Variants in TRIO observed in about 807,000 individuals in gnomAD.
TRIO encodes the protein trio Rho guanine nucleotide exchange factor, also known as triple functional domain protein.
Under a neutral mutation model 351.9 loss-of-function variants are expected in TRIO, and 58 were observed. The ratio of observed to expected loss-of-function variants is 0.16; its 90% CI spans 0.13 to 0.21. The LOEUF (loss-of-function observed/expected upper bound fraction) is 0.21. Among genes scored for constraint, TRIO ranks in the 10% least tolerant of loss-of-function variants. TRIO has a pLI of 1.00. For synonymous variants in TRIO, 1,758 were observed against 1,595.7 expected (o/e 1.10, Z -2.42); for missense variants, 3,201 against 4,027.8 (o/e 0.79, Z 5.56).
chr5:14,223,526 C>T (rs1792782817), intron 1 of TRIO, among the ~76,000 whole-genome samples: 1 of 152,132 alleles, frequency 6.6e-6, no homozygotes, highest in African/African-American at 2.4e-5. Context: ...GAGCAACTAG[C>T]CTAGGTGACC....
chr5:14,234,283 A>AGCTGGGCAGTGGATAGGGGT lies in TRIO; in HGVS notation c.158-36539_158-36520dup, dbSNP rs1364074577. 9.2e-5 allele frequency among the ~76,000 whole-genome samples: 14 copies of AGCTGGGCAGTGGATAGGGGT among 152,314 alleles called. No individual in the cohort carries two copies. In the East Asian group the frequency reaches 2.7e-3, roughly 29 times the overall value. Reference sequence around the variant, plus strand: ...ACAGTTCAGTGGTGATAGTTGGACAAGCTGGGCAGTGGATAGGGGTGCCGG... The same window carrying AGCTGGGCAGTGGATAGGGGT: ...ACAGTTCAGTGGTGATAGTTGGACAAGCTGGGCAGTGGATAGGGGTGCTGGGCAGTGGATAGGGGTGCCGG... On this transcript the variant is annotated intron_variant, in intron 1 of 56. Coordinates refer to ENST00000344204, the MANE Select transcript of TRIO (RefSeq NM_007118.4).
At chr5:14,500,688 G>C (rs1249516829) in intron 53 of TRIO, among the ~76,000 whole-genome samples, 1 of 152,144 alleles carries the variant, frequency 6.6e-6, no homozygotes, top group Non-Finnish European at 1.5e-5. Flanking sequence ...GAGCCCAGGA[G>C]TTAGAGACCA....
Position 14,364,691 on chromosome 5 carries a change from C to G in TRIO, c.2629C>G (p.Arg877Gly). Residue 877 changes from arginine (R) to glycine (G), a missense_variant, in exon 15 of 57, where the codon CGG becomes GGG. Physicochemically the swap from Arg to Gly is moderately radical, Grantham distance 125. Transcript: ENST00000344204. ...LCDRDVDMAT[R>G]VQDLLEFLHE... ...TGATAGAGATGTAGACATGGCAACTCGGGTCCAGGACCTGCTGGAGTTTCT... is the reference window on the plus strand; with the variant it reads ...TGATAGAGATGTAGACATGGCAACTGGGGTCCAGGACCTGCTGGAGTTTCT... 1 of 1,613,858 alleles carries G rather than the reference C, an allele frequency of 6.2e-7. No homozygotes were observed. Among genetic ancestry groups the G allele is most frequent in the East Asian group, 2.2e-5 (1 of 44,884 alleles).
chr5:14,143,957 G>T, intron 1 of TRIO, 75 bp downstream of exon 1: 1 of 1,004,368 alleles, frequency 1.0e-6, no homozygotes, highest in Non-Finnish European at 1.2e-6. Flanking sequence ...GAGCTGCCGA[G>T]CTCCGGCCAC....
chr5:14,368,203 A>G (rs1263519147), intron 16 of TRIO, among the ~76,000 whole-genome samples: 1 of 152,224 alleles, frequency 6.6e-6, no homozygotes, highest in Non-Finnish European at 1.5e-5. Flanking sequence ...CAGTTGTTTC[A>G]TTCTTAGCTT....
chr5:14,399,005 G>T lies in TRIO; in HGVS notation c.4549G>T (p.Val1517Leu). ...RHLFLFEMSLVFSKEVKDSSG... is the reference protein window; with the variant it reads ...RHLFLFEMSLLFSKEVKDSSG... ...TCTCTTCCTTTTTGAAATGTCCTTA[G>T]TATTTAGTAAAGAAGTGAAAGATTC... The change falls in exon 30 of 57, where the codon GTA (valine) becomes TTA (leucine). Residue 1517 changes from valine to leucine, a missense_variant. By Grantham distance (32) the Val-to-Leu change is conservative. This residue lies in a region of TRIO where 136 missense variants were observed against 229.5 expected (regional missense o/e 0.59). Coordinates refer to ENST00000344204, the MANE Select transcript of TRIO (RefSeq NM_007118.4). The T allele has an allele frequency of 6.2e-7, 1 of 1,614,100 alleles. No homozygotes were observed. Among genetic ancestry groups the T allele is most frequent in the Non-Finnish European group, 8.5e-7 (1 of 1,180,000 alleles).
intron 1 of TRIO, among the ~76,000 whole-genome samples, chr5:14,212,644 A>G (rs1321392102): frequency 1.3e-5 from 2 of 152,194 alleles, no homozygotes; most frequent in Non-Finnish European, 2.9e-5. Context: ...ATTATTGAAG[A>G]AAAAGGAAAG....
At chr5:14,154,212 G>C (rs555074219) in intron 1 of TRIO, among the ~76,000 whole-genome samples, 1 of 152,220 alleles carries the variant, frequency 6.6e-6, no homozygotes, top group East Asian at 1.9e-4. Flanking sequence ...CTGTTAATGT[G>C]GGGGTTGGGA....
chr5:14,165,021 AAAGG>A (rs1221726608), intron 1 of TRIO, among the ~76,000 whole-genome samples: 1 of 152,216 alleles, frequency 6.6e-6, no homozygotes, highest in African/African-American at 2.4e-5. Flanking sequence ...GTCTCTCAAC[AAAGG>A]AAGGAAGGGC....
intron 11 of TRIO, among the ~76,000 whole-genome samples, chr5:14,337,668 G>A (rs571429308): frequency 7.9e-5 from 12 of 152,290 alleles, no homozygotes; most frequent in African/African-American, 2.4e-4. Flanking sequence ...ATCAGTGCTC[G>A]GAGACCCACC....
chr5:14,188,861 A>G (rs1236225273), intron 1 of TRIO, among the ~76,000 whole-genome samples: 1 of 152,178 alleles, frequency 6.6e-6, no homozygotes, highest in Non-Finnish European at 1.5e-5. Flanking sequence ...TGGGGAGAAT[A>G]TGGTGATGTA....
chr5:14,387,964 C>T (rs1303908304), intron 23 of TRIO, 117 bp downstream of exon 23: 2 of 1,068,600 alleles, frequency 1.9e-6, no homozygotes, highest in East Asian at 2.6e-5. Flanking sequence ...CTTTTTGTTG[C>T]TCTGGGTGGA....
chr5:14,215,961 A>G (rs1013264911), intron 1 of TRIO, among the ~76,000 whole-genome samples: 1 of 151,588 alleles, frequency 6.6e-6, no homozygotes, highest in Non-Finnish European at 1.5e-5. Flanking sequence ...CCTCCACTTA[A>G]TCAAGCCGTT....
chr5:14,460,077 G>A (rs992658260), intron 34 of TRIO, among the ~76,000 whole-genome samples: 5 of 151,910 alleles, frequency 3.3e-5, no homozygotes, highest in Non-Finnish European at 7.4e-5. Context: ...CACCACACCC[G>A]GCTAATTTTT....
At chr5:14,402,637 T>C (rs1160171069) in intron 31 of TRIO, among the ~76,000 whole-genome samples, 1 of 151,302 alleles carries the variant, frequency 6.6e-6, no homozygotes, top group Non-Finnish European at 1.5e-5. Context: ...GTCACGGTGG[T>C]ATAGATGGTG....
chr5:14,237,423 T>G (rs1220198273), intron 1 of TRIO, among the ~76,000 whole-genome samples: 2 of 152,186 alleles, frequency 1.3e-5, no homozygotes, highest in Non-Finnish European at 2.9e-5. Flanking sequence ...GGGGCTGTTG[T>G]GAGTGTCGTG....
chr5:14,166,799 A>T (rs1168772141), intron 1 of TRIO, among the ~76,000 whole-genome samples: 2 of 152,114 alleles, frequency 1.3e-5, no homozygotes, highest in African/African-American at 2.4e-5. Context: ...AATTCATGAG[A>T]GGGGAAAAAG....
At chr5:14,452,724 T>G (rs1261667044) in intron 34 of TRIO, among the ~76,000 whole-genome samples, 2 of 152,184 alleles carry the variant, frequency 1.3e-5, no homozygotes, top group African/African-American at 4.8e-5. Context: ...AGGCTGAAGT[T>G]TTTAGTTTGG....
intron 1 of TRIO, among the ~76,000 whole-genome samples, chr5:14,197,042 A>C (rs1311720300): frequency 6.6e-6 from 1 of 152,212 alleles, no homozygotes; most frequent in Admixed American, 6.5e-5. Context: ...ACTTGTAAAA[A>C]ACATCGTTGG....
Sources: allele counts gnomAD v4.1 joint callset (sites outside exome capture counted in the v4.1 genomes callset), GRCh38; gene constraint gnomAD v4.1.1; regional missense constraint gnomAD v4.1.1; transcripts MANE v1.5; gene names NCBI Gene and HGNC (gene_info 2026-07-23, HGNC 2026-07-21).